RAB10: variants seen among roughly 807,000 people sequenced by gnomAD.
The protein encoded by RAB10 is RAB10, member RAS oncogene family.
Under a neutral mutation model 25.7 loss-of-function variants are expected in RAB10, and 5 were observed. The ratio of observed to expected loss-of-function variants is 0.19; its 90% CI spans 0.10 to 0.41. The LOEUF is 0.41. RAB10 is among the 10% of genes least tolerant of loss of function. The pLI, the probability that RAB10 is intolerant of heterozygous loss-of-function variation, is 1.00. For missense variants in RAB10, 103 were observed against 245.8 expected (o/e 0.42, Z 3.89); for synonymous variants, 89 against 86.4 (o/e 1.03, Z -0.16).
intron 1 of RAB10, among the ~76,000 whole-genome samples, chr2:26,077,974 G>A (rs545355054): frequency 9.2e-5 from 14 of 151,724 alleles, no homozygotes; most frequent in Admixed American, 2.0e-4. Flanking sequence ...ACGAGACTCC[G>A]TCTAAAAAAA....
intron 1 of RAB10, 188 bp from the exon 2 acceptor site, chr2:26,098,474 T>C (rs1483327374): frequency 7.5e-6 from 4 of 531,844 alleles, no homozygotes; most frequent in Non-Finnish European, 1.3e-5. Context: ...TTTTTCCTCC[T>C]ATCCTGGATC....
intron 3 of RAB10, among the ~76,000 whole-genome samples, chr2:26,122,203 A>G (rs528587811): frequency 2.0e-5 from 3 of 152,388 alleles, no homozygotes; most frequent in African/African-American, 7.2e-5. Context: ...ACCATTTTAA[A>G]TAAAAGAAAA....
chr2:26,125,787 A>G (rs1350001080), intron 3 of RAB10, among the ~76,000 whole-genome samples: 1 of 152,122 alleles, frequency 6.6e-6, no homozygotes, highest in East Asian at 1.9e-4. Flanking sequence ...TTTCAAATAC[A>G]TGATTTACAA....
At chr2:26,066,020 A>G (rs974073660) in intron 1 of RAB10, among the ~76,000 whole-genome samples, 36 of 152,194 alleles carry the variant, frequency 2.4e-4, no homozygotes, top group African/African-American at 8.0e-4. Context: ...TCAGTGTTAC[A>G]TGTTTTTAAA....
Position 26,121,056 on chromosome 2 carries a change from C to T in RAB10, c.328-6088C>T, listed in dbSNP as rs531935477. Reference sequence around the variant, plus strand: ...CCTCCCAAGTAGCTGAGATTACAGACGTGCATCGCCACACCCGGCTAATTT... The same window carrying T: ...CCTCCCAAGTAGCTGAGATTACAGATGTGCATCGCCACACCCGGCTAATTT... On this transcript the variant is annotated intron_variant, in intron 3 of 5. Coordinates refer to ENST00000264710, the MANE Select transcript of RAB10 (RefSeq NM_016131.5). Among the ~76,000 whole-genome samples, 21 of 152,116 alleles carry T rather than the reference C, an allele frequency of 1.4e-4. 1 individual carries two copies. Among genetic ancestry groups the T allele is most frequent in the Middle Eastern group, 3.4e-3 (1 of 294 alleles).
chr2:26,061,753 C>T (rs1666399721), intron 1 of RAB10, among the ~76,000 whole-genome samples: 1 of 143,282 alleles, frequency 7.0e-6, no homozygotes, highest in Admixed American at 6.9e-5. Context: ...ATCTGCTCCC[C>T]ACCCCACCCC....
intron 1 of RAB10, among the ~76,000 whole-genome samples, chr2:26,035,097 G>T (rs185180131): frequency 2.6e-5 from 4 of 152,330 alleles, no homozygotes; most frequent in South Asian, 2.1e-4. Flanking sequence ...GGTTGCGATT[G>T]AAGCAGTACT....
At chr2:26,065,498 G>GT (rs10710779) in intron 1 of RAB10, among the ~76,000 whole-genome samples, 49 of 151,352 alleles carry the variant, frequency 3.2e-4, no homozygotes, top group Admixed American at 1.2e-3. Flanking sequence ...AAACCTGAAG[G>GT]TTTTTTTTTT....
intron 1 of RAB10, among the ~76,000 whole-genome samples, chr2:26,091,663 G>A (rs146669340): frequency 3.3e-5 from 5 of 152,188 alleles, no homozygotes; most frequent in African/African-American, 1.2e-4. Flanking sequence ...GTTCAGGGGA[G>A]AGTTGAGGTG....
At chr2:26,110,356 A>AAG (rs1667544860) in intron 3 of RAB10, among the ~76,000 whole-genome samples, 1 of 151,098 alleles carries the variant, frequency 6.6e-6, no homozygotes, top group Non-Finnish European at 1.5e-5. Flanking sequence ...AAAAAAAAAA[A>AAG]GTTAATGTTG....
chr2:26,033,787 C>G (rs1334554185), upstream of RAB10, among the ~76,000 whole-genome samples: 2 of 115,422 alleles, frequency 1.7e-5, no homozygotes, highest in Non-Finnish European at 3.9e-5. Context: ...GAGCGGGAGG[C>G]GGGAGGCGGG....
chr2:26,128,115 A>G (rs1289894557), intron 5 of RAB10, among the ~76,000 whole-genome samples, 164 bp downstream of exon 5: 1 of 152,090 alleles, frequency 6.6e-6, no homozygotes, highest in Non-Finnish European at 1.5e-5. Flanking sequence ...GGTTTCATGG[A>G]AGATAATTTT....
chr2:26,083,520 G>T (rs1054310838), intron 1 of RAB10, among the ~76,000 whole-genome samples: 1 of 149,792 alleles, frequency 6.7e-6, no homozygotes. Context: ...CTGGAGTGCA[G>T]TGGCACCATA....
chr2:26,098,109 C>CTTTTTTTTTTTTTTTTTTTTTTTTTTCT (rs1667263725), intron 1 of RAB10, among the ~76,000 whole-genome samples: 1 of 52,726 alleles, frequency 1.9e-5, no homozygotes, highest in African/African-American at 7.7e-5. Flanking sequence ...TTCTTTCTTT[C>CTTTTTTTTTTTTTTTTTTTTTTTTTTCT]TTTTTTTTTT....
In RAB10 at chr2:26,047,938, C is replaced by G. The variant is rs1303711982; in HGVS notation, c.127+13203C>G. On this transcript the variant is annotated intron_variant, in intron 1 of 5. Transcript: ENST00000264710. ...ACGAGGTTTCACCATGTTGACCAGA[C>G]TGGTCTTGAACTCCTGACCTCAGGT... is the stretch of plus-strand genomic sequence containing the variant. 2.0e-5 allele frequency among the ~76,000 whole-genome samples: 3 copies of G among 151,684 alleles called. No homozygotes were observed. In the East Asian group the frequency reaches 5.8e-4, roughly 29 times the overall value.
At chr2:26,067,031 C>T (rs1021653970) in intron 1 of RAB10, among the ~76,000 whole-genome samples, 5 of 152,104 alleles carry the variant, frequency 3.3e-5, no homozygotes, top group African/African-American at 1.2e-4. Context: ...ATCCACCTGC[C>T]TCAGCCTCCC....
intron 3 of RAB10, among the ~76,000 whole-genome samples, chr2:26,122,991 C>G (rs112031003): frequency 4.6e-5 from 7 of 152,140 alleles, no homozygotes; most frequent in African/African-American, 1.2e-4. Flanking sequence ...AACTACTGTT[C>G]TGTGCAAATG....
At chr2:26,100,325 T>C (rs895356999) in intron 2 of RAB10, among the ~76,000 whole-genome samples, 3 of 152,276 alleles carry the variant, frequency 2.0e-5, no homozygotes, top group South Asian at 2.1e-4. Flanking sequence ...TACTCTCTTA[T>C]CCTCTGCCAT....
At chr2:26,033,556 T>C (rs1665679110), upstream of RAB10, among the ~76,000 whole-genome samples, 1 of 152,256 alleles carries the variant, frequency 6.6e-6, no homozygotes, top group Non-Finnish European at 1.5e-5. Context: ...CGTCTCGTTC[T>C]AGCAAAGAGG....
Sources: gnomAD v4.1 joint callset for allele counts (sites outside exome capture counted in the v4.1 genomes callset) on GRCh38, gnomAD v4.1.1 for gene constraint, MANE v1.5 for transcripts, NCBI Gene and HGNC (gene_info 2026-07-23, HGNC 2026-07-21) for gene names.